Variants in CIMAP1C observed in about 807,000 individuals in gnomAD.
CIMAP1C encodes the protein outer dense fiber of sperm tails 3 like 1.
the CIMAP1C span, chr15:75,726,216 G>GGTGGGGA: frequency 8.1e-7 from 1 of 1,234,948 alleles, no homozygotes; most frequent in Non-Finnish European, 1.2e-6. Flanking sequence ...GGAGGTTGGG[G>GGTGGGGA]GGTGGGGTGC....
the CIMAP1C span, chr15:75,727,026 TGA>T: frequency 6.3e-7 from 1 of 1,594,280 alleles, no homozygotes; most frequent in Non-Finnish European, 8.5e-7. Context: ...TTCCCTGCTC[TGA>T]GAGCCCTCCC....
chr15:75,724,345 G>T, the CIMAP1C span: 1 of 1,495,928 alleles, frequency 6.7e-7, no homozygotes, highest in Non-Finnish European at 9.3e-7. Context: ...CCTGGGCTTG[G>T]GCCCCCTCCC....
At chr15:75,727,113 C>T in the CIMAP1C span, 18 of 1,613,832 alleles carry the variant, frequency 1.1e-5, no homozygotes, top group Admixed American at 1.7e-5. Context: ...ATCCACCCAC[C>T]GGGGGAACGC....
At chr15:75,724,134 C>T in the CIMAP1C span, 1 of 1,061,688 alleles carries the variant, frequency 9.4e-7, no homozygotes, top group Non-Finnish European at 1.5e-6. Context: ...GGCAGGGATA[C>T]TCTAGCCCCT....
the CIMAP1C span, chr15:75,727,207 A>T: frequency 6.2e-7 from 1 of 1,613,736 alleles, no homozygotes; most frequent in Non-Finnish European, 8.5e-7. Context: ...ACCAGATGCC[A>T]CTCTTGCTGG....
the CIMAP1C span, chr15:75,727,578 A>C: frequency 1.1e-5 from 17 of 1,516,060 alleles, no homozygotes; most frequent in South Asian, 2.1e-4. Context: ...TCATCCCCAG[A>C]AATTATTTTT....
At chr15:75,726,946 C>A in the CIMAP1C span, 2 of 1,384,494 alleles carry the variant, frequency 1.4e-6, no homozygotes, top group East Asian at 2.3e-5. Flanking sequence ...TGCCCTGCTG[C>A]TGAGGTGGTC....
the CIMAP1C span, chr15:75,726,271 T>G: frequency 1.4e-6 from 1 of 693,592 alleles, no homozygotes; most frequent in Non-Finnish European, 2.5e-6. Context: ...ACTTCCTCCT[T>G]GGAAATGTCT....
the CIMAP1C span, chr15:75,725,036 C>T: frequency 2.5e-5 from 24 of 949,304 alleles, no homozygotes; most frequent in East Asian, 7.2e-5. Flanking sequence ...TCCCATGGTG[C>T]GCTGTACTGG....
chr15:75,725,092 C>G, the CIMAP1C span: 1 of 1,592,342 alleles, frequency 6.3e-7, no homozygotes, highest in Non-Finnish European at 8.6e-7. Context: ...GAGGGCTGTC[C>G]TGTCCATCCT....
the CIMAP1C span, chr15:75,727,493 A>AGAT: frequency 8.1e-6 from 13 of 1,610,520 alleles, no homozygotes; most frequent in South Asian, 1.4e-4. Flanking sequence ...CATGGGCATC[A>AGAT]AGCACTCACT....
At chr15:75,727,058 G>A in the CIMAP1C span, 5 of 1,611,424 alleles carry the variant, frequency 3.1e-6, no homozygotes, top group Non-Finnish European at 4.2e-6. Flanking sequence ...CTCCCTTTCA[G>A]GCCTGAACCC....
At chr15:75,727,198 C>G in the CIMAP1C span, 2 of 1,614,056 alleles carry the variant, frequency 1.2e-6, no homozygotes, top group Admixed American at 3.3e-5. Context: ...CCAACCAGTA[C>G]CAGATGCCAC....
chr15:75,727,350 A>T, the CIMAP1C span: 13 of 1,613,982 alleles, frequency 8.1e-6, no homozygotes, highest in African/African-American at 1.7e-4. Context: ...CCATCCATCT[A>T]TCAGAACCGC....
the CIMAP1C span, among the ~76,000 whole-genome samples, chr15:75,726,865 T>C: frequency 2.0e-5 from 3 of 152,112 alleles, no homozygotes; most frequent in Non-Finnish European, 1.5e-5. Flanking sequence ...CTGCCTGCCT[T>C]AGCCTCCCAA....
the CIMAP1C span, chr15:75,727,410 C>T: frequency 3.0e-4 from 489 of 1,614,002 alleles, 2 homozygotes; most frequent in South Asian, 2.3e-3. Flanking sequence ...CTGGACCTCA[C>T]GCCACGGCCT....
the CIMAP1C span, chr15:75,726,927 G>T: frequency 1.7e-6 from 2 of 1,201,624 alleles, no homozygotes; most frequent in Non-Finnish European, 2.3e-6. Context: ...GTGACCATTT[G>T]GATGTCCCTG....
the CIMAP1C span, chr15:75,725,958 A>G: frequency 1.4e-6 from 1 of 703,002 alleles, no homozygotes; most frequent in Non-Finnish European, 2.5e-6. Context: ...CAGGAGCCAC[A>G]GAATCTGAAG....
chr15:75,727,469 A>G, the CIMAP1C span: 1 of 1,613,080 alleles, frequency 6.2e-7, no homozygotes, highest in Non-Finnish European at 8.5e-7. Flanking sequence ...CAAGCCCCAC[A>G]TCCCTGCTTT....
Sources: allele counts gnomAD v4.1 joint callset (sites outside exome capture counted in the v4.1 genomes callset), GRCh38; gene constraint gnomAD v4.1.1; transcripts MANE v1.5; gene names NCBI Gene and HGNC (gene_info 2026-07-23, HGNC 2026-07-21).